CEP83: variants seen among roughly 807,000 people sequenced by gnomAD.
CEP83 encodes centrosomal protein of 83 kDa.
In CEP83, 70 loss-of-function variants were observed where a neutral mutation model predicts 101.9. That is an observed-to-expected ratio of 0.69 (90% confidence interval 0.57 to 0.84). CEP83 has a LOEUF of 0.84. Ranked by LOEUF, CEP83 falls within the 40% of genes least tolerant of loss-of-function variation. The pLI, the probability that CEP83 is intolerant of heterozygous loss-of-function variation, is 0.00. For synonymous variants in CEP83, 264 were observed against 267.9 expected, an observed-to-expected ratio of 0.99 and a Z score of 0.14; for missense variants, 715 against 787.2, an observed-to-expected ratio of 0.91 and a Z score of 1.10.
At chr12:94,366,428 G>C (rs1395954563) in intron 11 of CEP83, among the ~76,000 whole-genome samples, 1 of 152,016 alleles carries the variant, frequency 6.6e-6, no homozygotes, top group Non-Finnish European at 1.5e-5. Flanking sequence ...GTTTTTCATT[G>C]AGTGATGAGT....
intron 12 of CEP83, among the ~76,000 whole-genome samples, chr12:94,333,889 C>A (rs1358865092): frequency 1.3e-5 from 2 of 152,018 alleles, no homozygotes; most frequent in African/African-American, 4.8e-5. Flanking sequence ...ATATGCAGGC[C>A]AGGAGAGGTA....
intron 6 of CEP83, among the ~76,000 whole-genome samples, chr12:94,389,152 G>A (rs923894381): frequency 3.9e-5 from 6 of 152,086 alleles, no homozygotes; most frequent in Admixed American, 1.3e-4. Flanking sequence ...AAAATGCCAT[G>A]AAATAAATAT....
upstream of CEP83, chr12:94,460,007 A>G (rs1374462417): frequency 6.6e-6 from 1 of 152,432 alleles, no homozygotes; most frequent in Non-Finnish European, 1.5e-5. Flanking sequence ...GACGTCACCC[A>G]CGCCACCGAC....
rs181211642 is a variant in CEP83, at chr12:94,448,492, C to G, written c.-155+11065G>C. 2.0e-5 allele frequency among the ~76,000 whole-genome samples: 3 copies of G among 152,142 alleles called. No individual in the cohort carries two copies. The East Asian group carries it at 5.8e-4, about 29-fold the overall frequency. The stretch of plus-strand genomic sequence containing the variant: ...GATTGCAGAATATACAACCTTTTTA[C>G]AAACACAAGGAAAATTTTCCAGGAT... On this transcript the variant is annotated intron_variant, in intron 1 of 16. Coordinates refer to ENST00000397809, the MANE Select transcript of CEP83 (RefSeq NM_016122.3).
chr12:94,401,173 A>C (rs1281716546), intron 5 of CEP83, 192 bp from the exon 6 acceptor site: 1 of 273,592 alleles, frequency 3.7e-6, no homozygotes, highest in Admixed American at 5.2e-5. Context: ...GAAGTAGTAC[A>C]TTCCTGAAAA....
At chr12:94,413,132 G>A (rs1566131860) in intron 2 of CEP83, among the ~76,000 whole-genome samples, 1 of 152,224 alleles carries the variant, frequency 6.6e-6, no homozygotes. Flanking sequence ...GGGATTACAG[G>A]CGTGAGCCAC....
intron 14 of CEP83, among the ~76,000 whole-genome samples, chr12:94,320,268 A>G (rs2058692322): frequency 6.6e-6 from 1 of 152,280 alleles, no homozygotes; most frequent in African/African-American, 2.4e-5. Context: ...TGAAGACAGC[A>G]TATCACTGGG....
At chr12:94,331,649 GGTGTGA>G (rs2059229404) in intron 14 of CEP83, 45 bp downstream of exon 14, 9 of 1,583,844 alleles carry the variant, frequency 5.7e-6, no homozygotes, top group African/African-American at 1.3e-5. Context: ...TGGGATTACA[GGTGTGA>G]GCCACCATGC....
intron 1 of CEP83, among the ~76,000 whole-genome samples, chr12:94,447,765 G>T (rs2066915498): frequency 6.6e-6 from 1 of 151,964 alleles, no homozygotes; most frequent in South Asian, 2.1e-4. Flanking sequence ...TCAGAATTTA[G>T]TATTATTCTG....
At chr12:94,371,143 T>C (rs116182105) in intron 8 of CEP83, among the ~76,000 whole-genome samples, 3,591 of 152,246 alleles carry the variant, frequency 0.024, 151 homozygotes, top group African/African-American at 0.082. Flanking sequence ...CACCGGAAGA[T>C]GTGAAATCTG....
At chr12:94,376,135 C>T (rs953159611) in intron 7 of CEP83, 118 bp from the exon 8 acceptor site, 4 of 602,172 alleles carry the variant, frequency 6.6e-6, no homozygotes, top group Non-Finnish European at 7.4e-6. Context: ...CTCAACTTAA[C>T]ATATACCAAT....
At chr12:94,321,872 AG>A (rs2058760096) in intron 14 of CEP83, among the ~76,000 whole-genome samples, 1 of 152,134 alleles carries the variant, frequency 6.6e-6, no homozygotes, top group Non-Finnish European at 1.5e-5. Context: ...GAGGAGATAT[AG>A]AATCAAGGAC....
intron 4 of CEP83, among the ~76,000 whole-genome samples, chr12:94,407,004 G>A (rs536832807): frequency 6.7e-6 from 1 of 150,030 alleles, no homozygotes; most frequent in Non-Finnish European, 1.5e-5. Context: ...ACACTGCATG[G>A]AATTAATGGC....
chr12:94,303,609 T>C (rs1003041368), downstream of CEP83: 11 of 593,294 alleles, frequency 1.9e-5, no homozygotes, highest in East Asian at 1.2e-4. Context: ...ATTTAAGGCC[T>C]ACTGCATGAA....
At chr12:94,389,743 G>A (rs530595064) in intron 6 of CEP83, among the ~76,000 whole-genome samples, 2 of 152,158 alleles carry the variant, frequency 1.3e-5, no homozygotes, top group African/African-American at 4.8e-5. Context: ...AGACTACCTG[G>A]AAAAACAGGA....
At chr12:94,283,541 G>A in the CEP83 span, among the ~76,000 whole-genome samples, 1 of 152,166 alleles carries the variant, frequency 6.6e-6, no homozygotes, top group Non-Finnish European at 1.5e-5. Flanking sequence ...AAGTAATTTG[G>A]CTGTACGGGA....
chr12:94,408,969 A>C (rs1262899539), intron 4 of CEP83, among the ~76,000 whole-genome samples: 1 of 152,072 alleles, frequency 6.6e-6, no homozygotes, highest in Non-Finnish European at 1.5e-5. Context: ...CTGATGCAGA[A>C]ATGTTCTTTA....
At position 94,366,997 on chromosome 12, in the gene CEP83, A is replaced by G. The variant is rs567255019; in HGVS notation, c.1343+797T>C. On this transcript the variant is annotated intron_variant, in intron 11 of 16. Transcript: ENST00000397809. ...AGAAAAAATATGAATGTATAAATCC[A>G]TAATGATATAAATATATTTAGAGGA... is the stretch of plus-strand genomic sequence containing the variant. Among the ~76,000 whole-genome samples the G allele has an allele frequency of 5.4e-3, 828 of 152,296 alleles. 10 individuals carry two copies. The highest frequency in any genetic ancestry group is 0.018 in the African/African-American group (733 of 41,582).
At chr12:94,363,947 CAAA>C (rs376859752) in intron 11 of CEP83, among the ~76,000 whole-genome samples, 7 of 59,474 alleles carry the variant, frequency 1.2e-4, no homozygotes, top group African/African-American at 6.1e-5. Flanking sequence ...GACGCTGTCT[CAAA>C]AAAAAAAAAA....
Sources: allele counts gnomAD v4.1 joint callset (sites outside exome capture counted in the v4.1 genomes callset), GRCh38; gene constraint gnomAD v4.1.1; transcripts MANE v1.5; gene names NCBI Gene and HGNC (gene_info 2026-07-23, HGNC 2026-07-21).